Variants in SHISA9 observed in about 807,000 individuals in gnomAD.
SHISA9 encodes the protein protein shisa-9.
A neutral mutation model predicts 38.0 loss-of-function variants in SHISA9; 13 were observed. That is an observed-to-expected ratio of 0.34 (90% CI 0.22 to 0.54). The LOEUF is 0.54. Ranked by LOEUF, SHISA9 falls within the 20% of genes least tolerant of loss-of-function variation. The probability of loss-of-function intolerance (pLI) is 0.91; values close to 1 mark genes in which losing one functional copy is unlikely to be tolerated. For synonymous variants in SHISA9, 275 were observed against 242.0 expected (o/e 1.14, Z -1.27); for missense variants, 538 against 575.8 (o/e 0.93, Z 0.67).
chr16:13,518,933 T>G, the SHISA9 span, among the ~76,000 whole-genome samples: 1 of 152,114 alleles, frequency 6.6e-6, no homozygotes, highest in Non-Finnish European at 1.5e-5. Flanking sequence ...TGAACTTTCC[T>G]AGGAAACCCA....
downstream of SHISA9, among the ~76,000 whole-genome samples, chr16:13,241,978 T>A (rs546932453): frequency 6.6e-6 from 1 of 152,302 alleles, no homozygotes; most frequent in African/African-American, 2.4e-5. Flanking sequence ...ATTCCTCTAG[T>A]GAGCCACCTG....
At chr16:13,324,163 T>C in the SHISA9 span, among the ~76,000 whole-genome samples, 2 of 152,202 alleles carry the variant, frequency 1.3e-5, no homozygotes, top group African/African-American at 2.4e-5. Flanking sequence ...CTACACTTCT[T>C]GTACAGTCTG....
the SHISA9 span, among the ~76,000 whole-genome samples, chr16:13,371,870 C>T: frequency 6.6e-6 from 1 of 152,232 alleles, no homozygotes; most frequent in Admixed American, 6.5e-5. Context: ...CCCAAATCCC[C>T]TTTCAGATAA....
intron 2 of SHISA9, among the ~76,000 whole-genome samples, chr16:12,998,898 A>C (rs1330672193): frequency 6.6e-6 from 1 of 152,208 alleles, no homozygotes; most frequent in Non-Finnish European, 1.5e-5. Context: ...AGGTCACCAC[A>C]AACACTGAAT....
At chr16:12,997,160 C>G (rs1046025938) in intron 2 of SHISA9, among the ~76,000 whole-genome samples, 1 of 152,066 alleles carries the variant, frequency 6.6e-6, no homozygotes, top group African/African-American at 2.4e-5. Flanking sequence ...TCAGAGGTAA[C>G]CACTGTTTTG....
the SHISA9 span, among the ~76,000 whole-genome samples, chr16:13,360,676 C>G: frequency 6.6e-6 from 1 of 152,134 alleles, no homozygotes; most frequent in Non-Finnish European, 1.5e-5. Flanking sequence ...AGTGTGAGAA[C>G]AGACTAATAC....
At chr16:13,544,602 A>G in the SHISA9 span, among the ~76,000 whole-genome samples, 1 of 151,742 alleles carries the variant, frequency 6.6e-6, no homozygotes, top group Non-Finnish European at 1.5e-5. Context: ...GGAACACATA[A>G]ATTTTGGAGC....
intron 2 of SHISA9, among the ~76,000 whole-genome samples, chr16:13,077,787 G>GC (rs1437680770): frequency 6.7e-6 from 1 of 149,018 alleles, no homozygotes; most frequent in Non-Finnish European, 1.5e-5. Context: ...AAGTTGGAGT[G>GC]CAACAGCTGC....
chr16:13,326,687 C>T, the SHISA9 span, among the ~76,000 whole-genome samples: 1 of 152,068 alleles, frequency 6.6e-6, no homozygotes, highest in South Asian at 2.1e-4. Context: ...TGCCACTGCA[C>T]TCCAGCGTGG....
At chr16:13,423,682 C>T in the SHISA9 span, among the ~76,000 whole-genome samples, 3 of 152,206 alleles carry the variant, frequency 2.0e-5, no homozygotes, top group African/African-American at 7.2e-5. Flanking sequence ...GGGTGCTCTG[C>T]TCAGGTCTTA....
the SHISA9 span, among the ~76,000 whole-genome samples, chr16:13,528,651 C>T: frequency 6.6e-6 from 1 of 152,108 alleles, no homozygotes; most frequent in African/African-American, 2.4e-5. Flanking sequence ...TTTGGCTTTG[C>T]CTCTTCGTAC....
Position 13,235,680 on chromosome 16 carries a change from C to A in SHISA9, c.*271C>A. The A allele has an allele frequency of 2.3e-6, 1 of 435,646 alleles. No homozygotes were observed. Among genetic ancestry groups the A allele is most frequent in the Non-Finnish European group, 4.0e-6 (1 of 247,670 alleles). The allele number at this position is 435,646 out of a possible 1,614,324, so 27.0% of individuals were successfully genotyped here. ...AGGCACACTCTTTCCACTTCAGGCC[C>A]AAGATGGCCAACTCACATGCCCAAA... is the stretch of plus-strand genomic sequence containing the variant. On this transcript the variant is annotated 3_prime_UTR_variant, in exon 5 of 5. Transcript: ENST00000558583.
chr16:13,261,409 C>G, the SHISA9 span, among the ~76,000 whole-genome samples: 8 of 152,224 alleles, frequency 5.3e-5, no homozygotes, highest in East Asian at 1.9e-4. Context: ...GTTGACAGCA[C>G]TCACATTTTG....
the SHISA9 span, among the ~76,000 whole-genome samples, chr16:13,366,393 A>G: frequency 6.6e-6 from 1 of 152,234 alleles, no homozygotes. Flanking sequence ...TAGTAAATAT[A>G]TTTCAAACTT....
chr16:13,524,800 C>G, the SHISA9 span, among the ~76,000 whole-genome samples: 2 of 151,854 alleles, frequency 1.3e-5, no homozygotes, highest in Non-Finnish European at 2.9e-5. Flanking sequence ...CTCCTAGCCT[C>G]AAGCAATTCT....
intron 2 of SHISA9, among the ~76,000 whole-genome samples, chr16:13,092,049 C>T (rs2073780225): frequency 6.6e-6 from 1 of 152,198 alleles, no homozygotes; most frequent in Admixed American, 6.5e-5. Flanking sequence ...TTCCTTCTAA[C>T]AGTCAGGTCC....
At chr16:12,970,085 ATGT>A (rs1284129899) in intron 2 of SHISA9, among the ~76,000 whole-genome samples, 1 of 151,448 alleles carries the variant, frequency 6.6e-6, no homozygotes, top group African/African-American at 2.4e-5. Flanking sequence ...GGGCTTTATT[ATGT>A]TATCCTTTAT....
At chr16:13,322,823 A>G in the SHISA9 span, among the ~76,000 whole-genome samples, 1 of 152,178 alleles carries the variant, frequency 6.6e-6, no homozygotes, top group Non-Finnish European at 1.5e-5. Flanking sequence ...TTCTTCTTCT[A>G]GATCAAACCT....
chr16:13,439,090 C>T, the SHISA9 span, among the ~76,000 whole-genome samples: 1 of 152,068 alleles, frequency 6.6e-6, no homozygotes, highest in South Asian at 2.1e-4. Flanking sequence ...AGCTCACTTA[C>T]AACTTAAAAA....
Sources: allele counts gnomAD v4.1 joint callset (sites outside exome capture counted in the v4.1 genomes callset), GRCh38; gene constraint gnomAD v4.1.1; transcripts MANE v1.5; gene names NCBI Gene and HGNC (gene_info 2026-07-23, HGNC 2026-07-21).